ABL1: variants seen among roughly 807,000 people sequenced by gnomAD.
ABL1 encodes the protein tyrosine-protein kinase ABL1.
In ABL1, 11 loss-of-function variants were observed where a neutral mutation model predicts 94.7. The ratio of observed to expected loss-of-function variants is 0.12; its 90% CI spans 0.07 to 0.19. The LOEUF (loss-of-function observed/expected upper bound fraction) is 0.19, where lower values mean the gene tolerates loss of function less well. Ranked by LOEUF, ABL1 falls within the 10% of genes least tolerant of loss-of-function variation. ABL1 has a pLI of 1.00. For missense variants in ABL1, 1,082 were observed against 1,489.4 expected, an observed-to-expected ratio of 0.73 and a Z score of 4.50; for synonymous variants, 656 against 622.4, an observed-to-expected ratio of 1.05 and a Z score of -0.80.
chr9:130,725,441 C>T (rs1200354733), intron 1 of ABL1, among the ~76,000 whole-genome samples: 1 of 152,076 alleles, frequency 6.6e-6, no homozygotes, highest in Non-Finnish European at 1.5e-5. Context: ...AGTGCAATGG[C>T]GCGATCTCGG....
exon 1 of ABL1, among the ~76,000 whole-genome samples, chr9:130,713,531 C>G (rs1831397870): frequency 6.6e-6 from 1 of 152,120 alleles, no homozygotes; most frequent in Non-Finnish European, 1.5e-5. Flanking sequence ...ACTTTGGCCA[C>G]GGAGCCTCCC....
At chr9:130,805,202 G>A (rs1482429499) in intron 1 of ABL1, among the ~76,000 whole-genome samples, 2 of 152,046 alleles carry the variant, frequency 1.3e-5, no homozygotes, top group African/African-American at 2.4e-5. Context: ...TCAGCCTCCC[G>A]AGTAGCTGGG....
rs748013592 is a variant in ABL1, at chr9:130,885,341, G to C, written c.3051G>C (p.Gln1017His). Residue 1017 changes from glutamine to histidine, a missense_variant, in exon 11 of 11, where the codon CAG becomes CAC. Physicochemically the swap from Gln to His is conservative, Grantham distance 24. Coordinates refer to ENST00000318560, the MANE Select transcript of ABL1 (RefSeq NM_005157.6). ...STRVSLRKTR[Q>H]PPERIASGAI... ...GAGTGTCTCTTCGGAAAACCCGCCA[G>C]CCTCCAGAGCGGATCGCCAGCGGCG... is the stretch of plus-strand genomic sequence containing the variant. The C allele has an allele frequency of 1.3e-5, 21 of 1,613,748 alleles. No homozygotes were observed. The highest frequency in any genetic ancestry group is 1.5e-5 in the Non-Finnish European group (18 of 1,180,048).
At chr9:130,744,334 G>T (rs2855163) in intron 1 of ABL1, among the ~76,000 whole-genome samples, 1 of 150,742 alleles carries the variant, frequency 6.6e-6, no homozygotes, top group African/African-American at 2.4e-5. Context: ...GTAGAGATGG[G>T]GTTTCACCGT....
rs1209408810 is a variant in ABL1 at position 130,880,096 on chromosome 9, C to T, written c.1452C>T (p.Pro484=). 1.9e-6 allele frequency: 3 copies of T among 1,614,070 alleles called. No homozygotes were observed. Among genetic ancestry groups the T allele is most frequent in the East Asian group, 4.5e-5 (2 of 44,886 alleles). Residue 484 remains proline (P), a synonymous_variant, in exon 9 of 11, where the codon CCC becomes CCT. Transcript: ENST00000318560. This position sits in a 1 kb window ranked among gnomAD's most constrained non-coding sequence, Gnocchi z 4.4. ...ACWQWNPSDR[P]SFAEIHQAFE... Reference sequence around the variant, plus strand: ...GGCAGTGGAATCCCTCTGACCGGCCCTCCTTTGCTGAAATCCACCAAGCCT... The same window carrying T: ...GGCAGTGGAATCCCTCTGACCGGCCTTCCTTTGCTGAAATCCACCAAGCCT...
intron 10 of ABL1, among the ~76,000 whole-genome samples, chr9:130,881,239 A>G (rs1468843756): frequency 6.6e-6 from 1 of 152,050 alleles, no homozygotes; most frequent in African/African-American, 2.4e-5. Context: ...TGTGCCTACT[A>G]CAGGCCAGGC....
rs1830260172 is a variant in ABL1 at position 130,814,744 on chromosome 9, G to A, written c.137-39320G>A. Among the ~76,000 whole-genome samples, 1 of 152,142 alleles carries A rather than the reference G, an allele frequency of 6.6e-6. No homozygotes were observed. Among genetic ancestry groups the A allele is most frequent in the South Asian group, 2.1e-4 (1 of 4,828 alleles). On this transcript the variant is annotated intron_variant, in intron 1 of 10. Transcript: ENST00000372348. The surrounding 1 kb of genome is among the most constrained non-coding windows in gnomAD (Gnocchi z 4.4). The stretch of plus-strand genomic sequence containing the variant: ...TACAAAAAATTCTCCGGGCGTGGTG[G>A]CGGGCGCCTGTAGTCCCAGCTACTC...
intron 1 of ABL1, among the ~76,000 whole-genome samples, chr9:130,844,362 G>C (rs905735575): frequency 2.6e-5 from 4 of 152,224 alleles, no homozygotes; most frequent in African/African-American, 9.6e-5. Flanking sequence ...CCTCAGTCCT[G>C]ATATGGGCGT....
upstream of ABL1, among the ~76,000 whole-genome samples, chr9:130,834,620 C>T (rs1830535361): frequency 6.6e-6 from 1 of 152,144 alleles, no homozygotes; most frequent in Non-Finnish European, 1.5e-5. Context: ...ACCGTGCCTC[C>T]GAAAATTCTC....
intron 1 of ABL1, among the ~76,000 whole-genome samples, chr9:130,779,381 T>TA: frequency 6.6e-6 from 1 of 152,226 alleles, no homozygotes; most frequent in Non-Finnish European, 1.5e-5. Context: ...TTGTTTACTA[T>TA]AAAAATTCCA....
In ABL1 at chr9:130,872,755, C is replaced by A; in HGVS notation, c.908-105C>A. On this transcript the variant is annotated intron_variant, in intron 5 of 10. Coordinates refer to ENST00000318560, the MANE Select transcript of ABL1 (RefSeq NM_005157.6). The surrounding 1 kb of genome is among the most constrained non-coding windows in gnomAD (Gnocchi z 5.0). The stretch of plus-strand genomic sequence containing the variant: ...ACCATGTTGGAAGTTGGGCCCAGGA[C>A]TGAGGAGCAGAGTCAGAATCCTTCA... 1.6e-6 allele frequency: 2 copies of A among 1,240,734 alleles called. No individual in the cohort carries two copies. The highest frequency in any genetic ancestry group is 2.3e-6 in the Non-Finnish European group (2 of 885,596). 76.9% of individuals were successfully genotyped at this position (1,240,734 alleles called of 1,614,324 possible).
At chr9:130,826,319 C>T (rs1298909862) in intron 1 of ABL1, among the ~76,000 whole-genome samples, 4 of 151,920 alleles carry the variant, frequency 2.6e-5, no homozygotes, top group Non-Finnish European at 5.9e-5. Flanking sequence ...TGGGGTTTCG[C>T]CATGTTGGCC....
chr9:130,872,823 G>A lies in ABL1; in HGVS notation c.908-37G>A, dbSNP rs1831275704. Reference sequence around the variant, plus strand: ...ACAGTTGTTTGTTCAGTTGGGAGCGGAGCCACGTGTTGAAGTCCTCGTTGT... The same window carrying A: ...ACAGTTGTTTGTTCAGTTGGGAGCGAAGCCACGTGTTGAAGTCCTCGTTGT... On this transcript the variant is annotated intron_variant, in intron 5 of 10. Coordinates refer to ENST00000318560, the MANE Select transcript of ABL1 (RefSeq NM_005157.6). This position sits in a 1 kb window ranked among gnomAD's most constrained non-coding sequence, Gnocchi z 5.0. 6.3e-7 allele frequency: 1 copy of A among 1,586,282 alleles called. No homozygotes were observed. Among genetic ancestry groups the A allele is most frequent in the Non-Finnish European group, 8.6e-7 (1 of 1,162,414 alleles).
At chr9:130,759,138 T>A (rs1034979028) in intron 1 of ABL1, among the ~76,000 whole-genome samples, 30 of 111,352 alleles carry the variant, frequency 2.7e-4, no homozygotes, top group Non-Finnish European at 4.1e-4. Context: ...CATGATTTTT[T>A]AAAAATTTTT....
At chr9:130,794,973 G>C (rs1014253213) in intron 1 of ABL1, among the ~76,000 whole-genome samples, 2 of 152,086 alleles carry the variant, frequency 1.3e-5, no homozygotes, top group African/African-American at 4.8e-5. Flanking sequence ...CTTCTTTCTG[G>C]TACCCTCAAA....
intron 1 of ABL1, among the ~76,000 whole-genome samples, chr9:130,827,856 C>T (rs2013475): frequency 0.21 from 31,323 of 150,534 alleles, 3,849 homozygotes; most frequent in African/African-American, 0.34. Flanking sequence ...ATTGCACCAC[C>T]GCATTCCAGC....
At chr9:130,830,978 G>C (rs1329097543), upstream of ABL1, among the ~76,000 whole-genome samples, 1 of 152,198 alleles carries the variant, frequency 6.6e-6, no homozygotes, top group Non-Finnish European at 1.5e-5. Context: ...TCCCTATACA[G>C]TGGCAAAAAC....
chr9:130,880,925 G>A lies in ABL1; in HGVS notation c.1678+261G>A, dbSNP rs1019868460. Among the ~76,000 whole-genome samples the A allele has an allele frequency of 5.9e-5, 9 of 152,210 alleles. No homozygotes were observed. Among genetic ancestry groups the A allele is most frequent in the African/African-American group, 1.4e-4 (6 of 41,452 alleles). ...GTAGGCAGAGGTGCTTCTGAAGCCC[G>A]CCAAGGAGCTAGCCCATCTCCCACC... On this transcript the variant is annotated intron_variant, in intron 10 of 10. Transcript: ENST00000318560. The surrounding 1 kb of genome is among the most constrained non-coding windows in gnomAD (Gnocchi z 4.4).
intron 1 of ABL1, among the ~76,000 whole-genome samples, chr9:130,772,485 C>A (rs551348745): frequency 6.6e-6 from 1 of 152,234 alleles, no homozygotes; most frequent in Non-Finnish European, 1.5e-5. Context: ...TAGTAATAGA[C>A]ATGTGAAGAA....
Sources: allele counts gnomAD v4.1 joint callset (sites outside exome capture counted in the v4.1 genomes callset), GRCh38; gene constraint gnomAD v4.1.1; non-coding constraint Gnocchi (gnomAD v3.1); transcripts MANE v1.5; gene names NCBI Gene and HGNC (gene_info 2026-07-23, HGNC 2026-07-21).